EVI5L: variants seen among roughly 807,000 people sequenced by gnomAD.
EVI5L encodes EVI5-like protein.
EVI5L carries 30 observed loss-of-function variants against 106.1 expected under a neutral mutation model. The ratio of observed to expected loss-of-function variants is 0.28; its 90% CI spans 0.21 to 0.38. The LOEUF (loss-of-function observed/expected upper bound fraction) is 0.38. Among genes scored for constraint, EVI5L ranks in the 10% least tolerant of loss-of-function variants. The pLI is 1.00. For missense variants in EVI5L, 809 were observed against 1,098.0 expected (o/e 0.74, Z 3.72); for synonymous variants, 489 against 483.3 (o/e 1.01, Z -0.15).
rs1326042223 is a variant in EVI5L at position 7,835,978 on chromosome 19, T to C, written c.-48+5597T>C. Among the ~76,000 whole-genome samples the C allele has an allele frequency of 6.6e-6, 1 of 150,722 alleles. No individual in the cohort carries two copies. Among genetic ancestry groups the C allele is most frequent in the Non-Finnish European group, 1.5e-5 (1 of 67,708 alleles). On this transcript the variant is annotated intron_variant, in intron 1 of 19. Transcript: ENST00000538904. This position sits in a 1 kb window ranked among gnomAD's most constrained non-coding sequence, Gnocchi z 4.1. The stretch of plus-strand genomic sequence containing the variant: ...AGGGCCGGGCGTGGTGGCTCACACC[T>C]GTGATCTCGGTACTTTGGGAGGCCG...
chr19:7,846,715 G>T, intron 2 of EVI5L, 36 bp downstream of exon 2: 2 of 1,603,164 alleles, frequency 1.2e-6, no homozygotes, highest in Non-Finnish European at 1.7e-6. Flanking sequence ...TGAAATCTTG[G>T]GGTGCAGTCT....
At chr19:7,844,414 G>C (rs1978860813) in intron 1 of EVI5L, among the ~76,000 whole-genome samples, 1 of 151,784 alleles carries the variant, frequency 6.6e-6, no homozygotes, top group Non-Finnish European at 1.5e-5. Context: ...CTGAGCTTGG[G>C]TTTCTTTGGT....
At position 7,857,055 on chromosome 19, in the gene EVI5L, C is replaced by T. The variant is rs1403133510; in HGVS notation, c.1201-37C>T. 6.4e-6 allele frequency: 10 copies of T among 1,551,738 alleles called. No individual in the cohort carries two copies. Among genetic ancestry groups the T allele is most frequent in the Non-Finnish European group, 1.7e-6 (2 of 1,146,918 alleles). On this transcript the variant is annotated intron_variant, in intron 11 of 19. Transcript: ENST00000538904. This position sits in a 1 kb window ranked among gnomAD's most constrained non-coding sequence, Gnocchi z 4.5. ...TGTCCCCGCGCCTTCCGCTCTGCCT[C>T]CTCCCCCTGTCGCTGGGAACCCCCT...
chr19:7,860,536 C>G, intron 13 of EVI5L, 25 bp from the exon 14 acceptor site: 1 of 1,555,810 alleles, frequency 6.4e-7, no homozygotes. Flanking sequence ...GCCTGGGGCC[C>G]CACGCAGCTC....
At chr19:7,838,889 C>T (rs930978614) in intron 1 of EVI5L, among the ~76,000 whole-genome samples, 22 of 151,692 alleles carry the variant, frequency 1.5e-4, no homozygotes, top group African/African-American at 4.8e-4. Flanking sequence ...TTTGAGGAGC[C>T]GAGGCGGGAA....
In EVI5L at chr19:7,857,998, C is replaced by G. The variant is rs1979615094; in HGVS notation, c.1234-193C>G. 3.2e-6 allele frequency: 2 copies of G among 619,238 alleles called. No homozygotes were observed. The highest frequency in any genetic ancestry group is 6.0e-5 in the Admixed American group (2 of 33,262). The allele number at this position is 619,238 out of a possible 1,614,324, so 38.4% of individuals were successfully genotyped here. On this transcript the variant is annotated intron_variant, in intron 12 of 19. Coordinates refer to ENST00000538904, the MANE Select transcript of EVI5L (RefSeq NM_001159944.3). The surrounding 1 kb of genome is among the most constrained non-coding windows in gnomAD (Gnocchi z 4.5). ...TTCCTCCCGGGCTCCTCCAGGTGTC[C>G]TATTCCTGCCTGTCACCCACCCACG...
At chr19:7,843,857 G>C (rs547207093) in intron 1 of EVI5L, among the ~76,000 whole-genome samples, 6 of 152,092 alleles carry the variant, frequency 3.9e-5, no homozygotes, top group African/African-American at 1.4e-4. Context: ...CAGGAGGATG[G>C]TTTCCACTGA....
Position 7,863,229 on chromosome 19 carries a change from A to T in EVI5L, c.2088A>T (p.Ser696=). Residue 696 remains serine (S), a synonymous_variant, in exon 19 of 20, where the codon TCA becomes TCT. Transcript: ENST00000538904. This position sits in a 1 kb window ranked among gnomAD's most constrained non-coding sequence, Gnocchi z 7.7. The part of the protein sequence containing the change: ...RIQGQLNHSD[S]SQYIRELKDQ... ...AGGGCCAGCTGAACCACTCGGACTC[A>T]TCGCAGTACATCCGCGAGCTCAAGG... 6.4e-7 allele frequency: 1 copy of T among 1,562,894 alleles called. No individual in the cohort carries two copies. The highest frequency in any genetic ancestry group is 8.7e-7 in the Non-Finnish European group (1 of 1,153,888).
intron 1 of EVI5L, among the ~76,000 whole-genome samples, chr19:7,838,100 T>G (rs10164348): frequency 3.2e-4 from 49 of 152,002 alleles, no homozygotes; most frequent in African/African-American, 8.2e-4. Context: ...GGTTGGTTTT[T>G]TTTTGTTTTG....
chr19:7,860,964 A>G (rs1979773368), intron 14 of EVI5L, among the ~76,000 whole-genome samples: 2 of 151,844 alleles, frequency 1.3e-5, no homozygotes, highest in African/African-American at 4.8e-5. Flanking sequence ...GAAGGAAGGG[A>G]GGAGAGAGGG....
chr19:7,831,642 C>G (rs1978293833), intron 1 of EVI5L, among the ~76,000 whole-genome samples: 2 of 152,248 alleles, frequency 1.3e-5, no homozygotes, highest in Non-Finnish European at 1.5e-5. Flanking sequence ...CGCTCACTTT[C>G]TCTCCTACAC....
intron 1 of EVI5L, among the ~76,000 whole-genome samples, chr19:7,836,245 A>C (rs1179701982): frequency 6.6e-6 from 1 of 150,926 alleles, no homozygotes; most frequent in Non-Finnish European, 1.5e-5. Context: ...TCAGAAAAGA[A>C]AAAAAGAAGG....
At chr19:7,861,339 A>G (rs1979792066) in intron 14 of EVI5L, among the ~76,000 whole-genome samples, 1 of 152,174 alleles carries the variant, frequency 6.6e-6, no homozygotes, top group African/African-American at 2.4e-5. Flanking sequence ...ATGCTGCTAG[A>G]TCTGTCCCAG....
chr19:7,832,584 G>A (rs1978298228), intron 1 of EVI5L, among the ~76,000 whole-genome samples: 1 of 152,086 alleles, frequency 6.6e-6, no homozygotes, highest in Non-Finnish European at 1.5e-5. Context: ...CGTGTGGAAG[G>A]GGACAGCAAG....
chr19:7,858,394 CG>C lies in EVI5L; in HGVS notation c.1374+65del, dbSNP rs1221258417. 1.9e-5 allele frequency: 29 copies of C among 1,488,606 alleles called. No individual in the cohort carries two copies. The highest frequency in any genetic ancestry group is 1.2e-4 in the East Asian group (5 of 40,196). 92.2% of individuals were successfully genotyped at this position (1,488,606 alleles called of 1,614,324 possible). A position where few individuals can be genotyped will look rare whatever the true frequency, so the allele number is the denominator to read the frequency against. On this transcript the variant is annotated intron_variant, in intron 13 of 19. Coordinates refer to ENST00000538904, the MANE Select transcript of EVI5L (RefSeq NM_001159944.3). This position sits in a 1 kb window ranked among gnomAD's most constrained non-coding sequence, Gnocchi z 5.7. ...GACCCGCGCCCCCGCCCCCGCCCAACGGTTTTCTTTCAGGGCTCATAATCTG... is the reference window on the plus strand; with the variant it reads ...GACCCGCGCCCCCGCCCCCGCCCAACGTTTTCTTTCAGGGCTCATAATCTG...
At chr19:7,860,806 C>A in intron 14 of EVI5L, 117 bp downstream of exon 14, 2 of 1,212,160 alleles carry the variant, frequency 1.6e-6, no homozygotes, top group African/African-American at 1.5e-5. Context: ...GCACACACAA[C>A]CATACATATG....
chr19:7,861,936 C>T lies in EVI5L; in HGVS notation c.1562C>T (p.Ala521Val), dbSNP rs1188393922. The change falls in exon 15 of 20, where the codon GCG becomes GTG. Residue 521 changes from alanine (A) to valine (V), a missense_variant. Physicochemically the swap from Ala to Val is moderately conservative, Grantham distance 64. Transcript: ENST00000538904. ...GCGCAGCTGCAGGAGGAGCTGAAGG[C>T]GCTCAAGGTGCGGGAAGGCCAGGCG... ...NVAQLQEELK[A>V]LKVREGQAVA... is the part of the protein sequence containing the mutation. 3.9e-6 allele frequency: 6 copies of T among 1,550,010 alleles called. No homozygotes were observed. Among genetic ancestry groups the T allele is most frequent in the South Asian group, 2.4e-5 (2 of 84,060 alleles).
chr19:7,851,338 AG>A (rs1406035474), intron 6 of EVI5L, 95 bp from the exon 7 acceptor site: 1 of 1,477,532 alleles, frequency 6.8e-7, no homozygotes, highest in Non-Finnish European at 9.2e-7. Flanking sequence ...GCGCAGGTCC[AG>A]GAAGGCTCCC....
At chr19:7,837,348 A>G (rs1398880926) in intron 1 of EVI5L, among the ~76,000 whole-genome samples, 1 of 152,178 alleles carries the variant, frequency 6.6e-6, no homozygotes, top group African/African-American at 2.4e-5. Context: ...TAAAAAATAA[A>G]TAAAATAAAA....
Sources: allele counts gnomAD v4.1 joint callset (sites outside exome capture counted in the v4.1 genomes callset), GRCh38; gene constraint gnomAD v4.1.1; non-coding constraint Gnocchi (gnomAD v3.1); transcripts MANE v1.5; gene names NCBI Gene and HGNC (gene_info 2026-07-23, HGNC 2026-07-21).